DAB2IP: variants seen among roughly 807,000 people sequenced by gnomAD.
DAB2IP encodes the protein disabled homolog 2-interacting protein.
A neutral mutation model predicts 107.2 loss-of-function variants in DAB2IP; 28 were observed. The observed-to-expected ratio is 0.26, with a 90% confidence interval of 0.19 to 0.36. The LOEUF is 0.36. Among genes scored for constraint, DAB2IP ranks in the 10% least tolerant of loss-of-function variants. The probability of loss-of-function intolerance (pLI) is 1.00; values close to 1 mark genes in which losing one functional copy is unlikely to be tolerated. For synonymous variants in DAB2IP, 755 were observed against 706.4 expected, an observed-to-expected ratio of 1.07 and a Z score of -1.09; for missense variants, 1,400 against 1,644.7, an observed-to-expected ratio of 0.85 and a Z score of 2.57.
At position 121,756,148 on chromosome 9, in the gene DAB2IP, C is replaced by T. The variant is rs571382311; in HGVS notation, c.363-865C>T. ...CTGGGGGCTCTAAGAGGACACTGCT[C>T]TGTGCTGCTGACTTTGGAGAGACTT... On this transcript the variant is annotated intron_variant, in intron 3 of 15. Coordinates refer to ENST00000408936, the Ensembl canonical transcript of DAB2IP. 1.6e-4 allele frequency among the ~76,000 whole-genome samples: 24 copies of T among 152,332 alleles called. No homozygotes were observed. The South Asian group carries it at 4.8e-3, about 30-fold the overall frequency.
chr9:121,784,560 C>CTCTTCACAGATTT (rs1835873876), exon 16 of DAB2IP: 1 of 153,664 alleles, frequency 6.5e-6, no homozygotes, highest in Admixed American at 6.6e-5. Flanking sequence ...AGTGTACAGA[C>CTCTTCACAGATTT]TCTTCACAGA....
intron 13 of DAB2IP, among the ~76,000 whole-genome samples, chr9:121,775,406 CAG>C (rs1835129636): frequency 6.6e-6 from 1 of 152,234 alleles, no homozygotes; most frequent in African/African-American, 2.4e-5. Flanking sequence ...GACCGGGGGA[CAG>C]GGAACACAGT....
At chr9:121,607,826 A>ACCCT (rs1247294834) in intron 1 of DAB2IP, among the ~76,000 whole-genome samples, 1 of 152,248 alleles carries the variant, frequency 6.6e-6, no homozygotes, top group East Asian at 1.9e-4. Flanking sequence ...GACTCTTCTC[A>ACCCT]GCATCTTTGG....
chr9:121,671,159 A>AAAAAC (rs1377034096), intron 1 of DAB2IP, among the ~76,000 whole-genome samples: 3 of 152,102 alleles, frequency 2.0e-5, no homozygotes, highest in Non-Finnish European at 2.9e-5. Flanking sequence ...AAAAAAAACA[A>AAAAAC]AAAACAAAAC....
chr9:121,738,004 A>C (rs1476430822), intron 3 of DAB2IP, among the ~76,000 whole-genome samples: 1 of 152,068 alleles, frequency 6.6e-6, no homozygotes, highest in East Asian at 1.9e-4. Flanking sequence ...TCCTCCAGGG[A>C]AGCAAGCCCT....
rs750080163 is a variant in DAB2IP, at chr9:121,772,925, G to T, written c.2397G>T (p.Thr799=). ...CAGTGAACCTGGCAGGGCTGGCCAC[G>T]GTGCGGCGGGCAGGCCAGACACCAA... Residue 799 remains threonine (T), a synonymous_variant, in exon 12 of 16, where the codon ACG becomes ACT. Coordinates refer to ENST00000408936, the Ensembl canonical transcript of DAB2IP. This position sits in a 1 kb window ranked among gnomAD's most constrained non-coding sequence, Gnocchi z 4.7. 1.3e-6 allele frequency: 2 copies of T among 1,555,920 alleles called. No homozygotes were observed. The highest frequency in any genetic ancestry group is 8.7e-7 in the Non-Finnish European group (1 of 1,155,742).
At chr9:121,705,013 A>G (rs903464595) in intron 3 of DAB2IP, among the ~76,000 whole-genome samples, 3 of 152,216 alleles carry the variant, frequency 2.0e-5, no homozygotes, top group Admixed American at 1.3e-4. Context: ...ATCTCTAGAG[A>G]GGAAGGGGAG....
At chr9:121,762,403 G>A (rs1272736504) in intron 6 of DAB2IP, among the ~76,000 whole-genome samples, 3 of 152,182 alleles carry the variant, frequency 2.0e-5, no homozygotes, top group Non-Finnish European at 2.9e-5. Flanking sequence ...CCCCGCTTTA[G>A]TGTATTCAGA....
Position 121,726,745 on chromosome 9 carries a change from T to C in DAB2IP, c.362+27287T>C, listed in dbSNP as rs555962078. On this transcript the variant is annotated intron_variant, in intron 3 of 15. Coordinates refer to ENST00000408936, the Ensembl canonical transcript of DAB2IP. ...TTGGAAGTATTCTGCTTTGTGAGAGTATAAAAGGAAAGGGGAGAAACTGAG... is the reference window on the plus strand; with the variant it reads ...TTGGAAGTATTCTGCTTTGTGAGAGCATAAAAGGAAAGGGGAGAAACTGAG... 3.3e-5 allele frequency among the ~76,000 whole-genome samples: 5 copies of C among 151,664 alleles called. No homozygotes were observed. The South Asian group carries it at 1.0e-3, about 32-fold the overall frequency.
At chr9:121,714,779 G>C (rs116199739) in intron 3 of DAB2IP, among the ~76,000 whole-genome samples, 6 of 152,254 alleles carry the variant, frequency 3.9e-5, no homozygotes, top group Non-Finnish European at 7.3e-5. Flanking sequence ...AAGGCAGTGA[G>C]AGCCCAGATC....
intron 3 of DAB2IP, chr9:121,737,416 A>G (rs895702806): frequency 8.1e-6 from 8 of 985,300 alleles, no homozygotes; most frequent in African/African-American, 1.7e-5. Context: ...GAAGACACAG[A>G]TTCAGCACGT....
At chr9:121,734,193 A>C (rs544926996) in intron 3 of DAB2IP, among the ~76,000 whole-genome samples, 5 of 141,632 alleles carry the variant, frequency 3.5e-5, no homozygotes, top group East Asian at 2.0e-4. Flanking sequence ...CTGGCTAACA[A>C]GGTGAAACCC....
At chr9:121,727,816 T>C (rs1452981938) in intron 3 of DAB2IP, among the ~76,000 whole-genome samples, 2 of 152,220 alleles carry the variant, frequency 1.3e-5, no homozygotes, top group Non-Finnish European at 2.9e-5. Context: ...AGGGAAATGC[T>C]TTGAAGGAAG....
intron 3 of DAB2IP, among the ~76,000 whole-genome samples, chr9:121,746,873 A>G (rs1397575772): frequency 6.6e-6 from 1 of 152,196 alleles, no homozygotes; most frequent in Non-Finnish European, 1.5e-5. Flanking sequence ...GGTGGGGTGC[A>G]GGGACCAGTT....
intron 1 of DAB2IP, among the ~76,000 whole-genome samples, chr9:121,583,451 G>C (rs1589376821): frequency 6.6e-6 from 1 of 152,160 alleles, no homozygotes; most frequent in East Asian, 1.9e-4. Context: ...ACAGGGGTAG[G>C]GGAGGAGCCG....
chr9:121,607,107 C>T (rs185692479), intron 1 of DAB2IP, among the ~76,000 whole-genome samples: 52 of 152,120 alleles, frequency 3.4e-4, no homozygotes, highest in Non-Finnish European at 6.0e-4. Context: ...AGAACACCTG[C>T]GCAGATGGGT....
At chr9:121,681,028 C>A (rs1828571775) in intron 2 of DAB2IP, among the ~76,000 whole-genome samples, 1 of 152,156 alleles carries the variant, frequency 6.6e-6, no homozygotes, top group Non-Finnish European at 1.5e-5. Flanking sequence ...CAGGCATGAG[C>A]CACCACGCCC....
intron 1 of DAB2IP, among the ~76,000 whole-genome samples, chr9:121,613,047 C>T (rs1431513858): frequency 1.3e-5 from 2 of 152,142 alleles, no homozygotes; most frequent in Admixed American, 6.5e-5. Flanking sequence ...GCTATGCTTT[C>T]GGACAGGAAA....
Position 121,782,590 on chromosome 9 carries a change from G to A in DAB2IP, c.*92G>A. Reference sequence around the variant, plus strand: ...GCCTGGGGAGGCACCCACGGTTGCAGCCCCAGCGCGGGTGTCAGGAGGCCG... The same window carrying A: ...GCCTGGGGAGGCACCCACGGTTGCAACCCCAGCGCGGGTGTCAGGAGGCCG... On this transcript the variant is annotated 3_prime_UTR_variant, in exon 16 of 16. Transcript: ENST00000408936. The surrounding 1 kb of genome is among the most constrained non-coding windows in gnomAD (Gnocchi z 6.1). 2 of 1,547,510 alleles carry A rather than the reference G, an allele frequency of 1.3e-6. No individual in the cohort carries two copies. The highest frequency in any genetic ancestry group is 8.7e-7 in the Non-Finnish European group (1 of 1,144,282).
Sources: allele counts gnomAD v4.1 joint callset (sites outside exome capture counted in the v4.1 genomes callset), GRCh38; gene constraint gnomAD v4.1.1; non-coding constraint Gnocchi (gnomAD v3.1); transcripts MANE v1.5; gene names NCBI Gene and HGNC (gene_info 2026-07-23, HGNC 2026-07-21).